XPO7: variants seen among roughly 807,000 people sequenced by gnomAD.
XPO7 encodes exportin 7.
In XPO7, 21 loss-of-function variants were observed where a neutral mutation model predicts 144.3. The observed-to-expected ratio is 0.15, with a 90% confidence interval of 0.10 to 0.21. The LOEUF (loss-of-function observed/expected upper bound fraction) is 0.21. Ranked by LOEUF, XPO7 falls within the 10% of genes least tolerant of loss-of-function variation. XPO7 has a pLI of 1.00. For missense variants in XPO7, 808 were observed against 1,325.8 expected (o/e 0.61, Z 6.06); for synonymous variants, 580 against 499.6 (o/e 1.16, Z -2.15).
chr8:21,946,739 T>C (rs567117074), intron 1 of XPO7, among the ~76,000 whole-genome samples: 43 of 149,126 alleles, frequency 2.9e-4, no homozygotes, highest in Non-Finnish European at 4.7e-4. Context: ...GCCTCCTGGG[T>C]TCAAGCGATT....
chr8:21,990,877 A>G lies in XPO7; in HGVS notation c.1999A>G (p.Thr667Ala). 2 of 1,613,976 alleles carry G rather than the reference A, an allele frequency of 1.2e-6. No homozygotes were observed. Among genetic ancestry groups the G allele is most frequent in the Non-Finnish European group, 1.7e-6 (2 of 1,179,870 alleles). Reference protein sequence around the residue: ...SNLTDMRCRTTFYTALGRLLM... With the variant: ...SNLTDMRCRTAFYTALGRLLM... Reference sequence around the variant, plus strand: ...CCTGACAGACATGCGGTGTCGGACTACCTTCTACACAGCACTTGGGCGTCT... The same window carrying G: ...CCTGACAGACATGCGGTGTCGGACTGCCTTCTACACAGCACTTGGGCGTCT... The change falls in exon 18 of 28, where the codon ACC (threonine) becomes GCC (alanine). Residue 667 changes from threonine (T) to alanine (A), a missense_variant. Coordinates refer to ENST00000252512, the MANE Select transcript of XPO7 (RefSeq NM_015024.5).
chr8:21,936,649 C>G (rs910942335), intron 1 of XPO7, among the ~76,000 whole-genome samples: 1 of 152,162 alleles, frequency 6.6e-6, no homozygotes, highest in African/African-American at 2.4e-5. Flanking sequence ...GTATCTTTCT[C>G]TTAGACATTT....
intron 1 of XPO7, among the ~76,000 whole-genome samples, chr8:21,939,306 C>T (rs1255630290): frequency 6.6e-6 from 1 of 150,544 alleles, no homozygotes; most frequent in Non-Finnish European, 1.5e-5. Context: ...ACTACAAGTT[C>T]CTTCTCCCAG....
intron 1 of XPO7, among the ~76,000 whole-genome samples, chr8:21,925,990 C>A (rs182986291): frequency 6.6e-6 from 1 of 151,998 alleles, no homozygotes; most frequent in Non-Finnish European, 1.5e-5. Flanking sequence ...CAAACAGTAA[C>A]GAAAGAGGTC....
At chr8:21,929,806 C>T (rs530125400) in intron 1 of XPO7, among the ~76,000 whole-genome samples, 93 of 151,450 alleles carry the variant, frequency 6.1e-4, no homozygotes, top group African/African-American at 2.1e-3. Flanking sequence ...TGTGTGACTG[C>T]GATAAGGGGC....
chr8:21,947,016 T>C (rs1056389731), intron 1 of XPO7, among the ~76,000 whole-genome samples: 6 of 152,182 alleles, frequency 3.9e-5, no homozygotes, highest in African/African-American at 7.2e-5. Context: ...CCAGCACATC[T>C]TTACTTAAGG....
At position 21,985,652 on chromosome 8, in the gene XPO7, C is replaced by G; in HGVS notation, c.1538C>G (p.Thr513Ser). 1 of 1,613,810 alleles carries G rather than the reference C, an allele frequency of 6.2e-7. No homozygotes were observed. Among genetic ancestry groups the G allele is most frequent in the Non-Finnish European group, 8.5e-7 (1 of 1,179,884 alleles). The stretch of plus-strand genomic sequence containing the variant: ...GGTGGCCGGGTTTCTTTTGCCAGCA[C>G]TGATGAGCAAGACGCCATGGATGGT... ...VIGGRVSFASTDEQDAMDGEL... is the reference protein window; with the variant it reads ...VIGGRVSFASSDEQDAMDGEL... Residue 513 changes from threonine to serine, a missense_variant, in exon 13 of 28, where the codon ACT becomes AGT. This residue lies in a region of XPO7 where 416 missense variants were observed against 612.5 expected (regional missense o/e 0.68). Coordinates refer to ENST00000252512, the MANE Select transcript of XPO7 (RefSeq NM_015024.5).
intron 1 of XPO7, chr8:21,966,125 G>C (rs1811874799): frequency 1.6e-6 from 1 of 624,526 alleles, no homozygotes; most frequent in Non-Finnish European, 2.9e-6. Context: ...TGCCTCCCTG[G>C]AACTGGTTCA....
chr8:21,944,997 T>A (rs1047550839), intron 1 of XPO7, among the ~76,000 whole-genome samples: 1 of 152,244 alleles, frequency 6.6e-6, no homozygotes, highest in African/African-American at 2.4e-5. Context: ...GAGTCTCCTA[T>A]GTCTACTTCT....
intron 19 of XPO7, among the ~76,000 whole-genome samples, chr8:21,993,260 G>A (rs954391703): frequency 3.3e-5 from 5 of 152,140 alleles, no homozygotes; most frequent in Non-Finnish European, 5.9e-5. Flanking sequence ...TTAACCAAAA[G>A]AACAACCTTG....
chr8:21,968,950 A>G (rs1156288692), intron 2 of XPO7, among the ~76,000 whole-genome samples: 1 of 152,236 alleles, frequency 6.6e-6, no homozygotes, highest in Admixed American at 6.5e-5. Context: ...TTAAACTATC[A>G]TATACATTCC....
rs1212148798 is a variant in XPO7, at chr8:21,969,638, A to G, written c.259+62A>G. ...TAGTTTGTTTAGTGATGTGCTAGTA[A>G]TAGTCAAATGTACGTGTTTGTTCAA... On this transcript the variant is annotated intron_variant, in intron 3 of 27. Coordinates refer to ENST00000252512, the MANE Select transcript of XPO7 (RefSeq NM_015024.5). 5 of 1,418,400 alleles carry G rather than the reference A, an allele frequency of 3.5e-6. No homozygotes were observed. The Admixed American group carries it at 7.5e-5, about 21-fold the overall frequency. The allele number at this position is 1,418,400 out of a possible 1,614,324, so 87.9% of individuals were successfully genotyped here. A position where few individuals can be genotyped will look rare whatever the true frequency, so the allele number is the denominator to read the frequency against.
rs76995008 is a variant in XPO7, at chr8:21,972,525, A to C, written c.492+584A>C. 6.8e-3 allele frequency among the ~76,000 whole-genome samples: 1,036 copies of C among 152,340 alleles called. 6 individuals carry two copies. The highest frequency in any genetic ancestry group is 0.024 in the African/African-American group (987 of 41,576). ...CTTGCCCATGAAGGAGAATGACTTC[A>C]AAAAAGAGACCATAAAGGTCGACCT... On this transcript the variant is annotated intron_variant, in intron 5 of 27. Transcript: ENST00000252512.
intron 1 of XPO7, among the ~76,000 whole-genome samples, chr8:21,925,510 G>A (rs958595811): frequency 2.6e-5 from 4 of 152,144 alleles, no homozygotes; most frequent in African/African-American, 7.2e-5. Flanking sequence ...TGGAGAACTC[G>A]CTGTTGGAAG....
At chr8:21,943,480 T>A (rs540475827) in intron 1 of XPO7, among the ~76,000 whole-genome samples, 1 of 152,336 alleles carries the variant, frequency 6.6e-6, no homozygotes, top group Admixed American at 6.5e-5. Context: ...AACACATTTT[T>A]CTCACAAGTG....
intron 1 of XPO7, among the ~76,000 whole-genome samples, chr8:21,955,942 T>G (rs1811522468): frequency 6.6e-6 from 1 of 152,108 alleles, no homozygotes; most frequent in South Asian, 2.1e-4. Flanking sequence ...TTGGCCAGGA[T>G]GGTCTTGATC....
intron 1 of XPO7, among the ~76,000 whole-genome samples, chr8:21,963,673 C>T (rs908350472): frequency 1.2e-4 from 18 of 146,520 alleles, no homozygotes; most frequent in Admixed American, 1.4e-4. Flanking sequence ...CCAGCCTGGG[C>T]GACAGAGTGA....
chr8:21,974,192 T>G (rs901841112), intron 5 of XPO7, among the ~76,000 whole-genome samples: 3 of 150,852 alleles, frequency 2.0e-5, no homozygotes, highest in East Asian at 2.0e-4. Flanking sequence ...CCGATTTTTT[T>G]ATTTTTTTAT....
intron 1 of XPO7, chr8:21,921,643 G>A (rs1246548279): frequency 3.3e-5 from 5 of 152,186 alleles, no homozygotes; most frequent in Non-Finnish European, 7.3e-5. Context: ...CTTATTTTTA[G>A]TAAGATGTTG....
Sources: allele counts gnomAD v4.1 joint callset (sites outside exome capture counted in the v4.1 genomes callset), GRCh38; gene constraint gnomAD v4.1.1; regional missense constraint gnomAD v4.1.1; transcripts MANE v1.5; gene names NCBI Gene and HGNC (gene_info 2026-07-23, HGNC 2026-07-21).